Variants in CNTN5 observed in about 807,000 individuals in gnomAD.
The protein encoded by CNTN5 is contactin 5.
Under a neutral mutation model 129.1 loss-of-function variants are expected in CNTN5, and 77 were observed. The ratio of observed to expected loss-of-function variants is 0.60; its 90% CI spans 0.50 to 0.72. The LOEUF is 0.72. CNTN5 is among the 30% of genes least tolerant of loss of function. The pLI is 0.00. For synonymous variants in CNTN5, 509 were observed against 465.6 expected, an observed-to-expected ratio of 1.09 and a Z score of -1.20; for missense variants, 1,478 against 1,328.8, an observed-to-expected ratio of 1.11 and a Z score of -1.75.
intron 6 of CNTN5, among the ~76,000 whole-genome samples, chr11:99,914,446 T>C (rs1482844472): frequency 6.6e-6 from 1 of 152,132 alleles, no homozygotes; most frequent in Non-Finnish European, 1.5e-5. Flanking sequence ...CAGACAATCA[T>C]GTGTATGTTG....
At chr11:99,317,801 C>T (rs1865403560) in intron 1 of CNTN5, among the ~76,000 whole-genome samples, 1 of 151,734 alleles carries the variant, frequency 6.6e-6, no homozygotes, top group African/African-American at 2.4e-5. Flanking sequence ...TTTAAGAGCC[C>T]TTCTACAATA....
chr11:100,040,423 C>T (rs1942305827), intron 9 of CNTN5, among the ~76,000 whole-genome samples: 1 of 152,206 alleles, frequency 6.6e-6, no homozygotes, highest in Admixed American at 6.5e-5. Flanking sequence ...GTCATGGACC[C>T]ACTTGAGGAG....
chr11:100,056,712 A>C (rs1327690905), intron 9 of CNTN5, among the ~76,000 whole-genome samples: 1 of 151,648 alleles, frequency 6.6e-6, no homozygotes, highest in Non-Finnish European at 1.5e-5. Context: ...TGAAGATGAA[A>C]ATAAAGAGGA....
At chr11:99,812,481 T>C (rs1946458840) in intron 3 of CNTN5, among the ~76,000 whole-genome samples, 1 of 152,130 alleles carries the variant, frequency 6.6e-6, no homozygotes, top group Non-Finnish European at 1.5e-5. Context: ...AGAAAATGTA[T>C]TGAGTTCTTA....
intron 2 of CNTN5, among the ~76,000 whole-genome samples, chr11:99,411,363 T>A (rs1306520965): frequency 6.6e-6 from 1 of 151,750 alleles, no homozygotes; most frequent in Non-Finnish European, 1.5e-5. Flanking sequence ...CACAAAAAAA[T>A]ATGAAAATTA....
At chr11:99,591,191 G>A (rs189481864) in intron 3 of CNTN5, among the ~76,000 whole-genome samples, 9 of 152,110 alleles carry the variant, frequency 5.9e-5, no homozygotes, top group Admixed American at 1.3e-4. Context: ...ATGGTTCTCT[G>A]GAGGGAGGTT....
intron 3 of CNTN5, among the ~76,000 whole-genome samples, chr11:99,586,464 A>C (rs1949796821): frequency 6.6e-6 from 1 of 152,224 alleles, no homozygotes; most frequent in Admixed American, 6.5e-5. Flanking sequence ...AATCTGTTTT[A>C]ACCATGGTAC....
intron 1 of CNTN5, among the ~76,000 whole-genome samples, chr11:99,063,640 A>T (rs1428483339): frequency 6.6e-6 from 1 of 152,150 alleles, no homozygotes; most frequent in Non-Finnish European, 1.5e-5. Context: ...TATATGTTCA[A>T]CTACAAAAGC....
At chr11:99,300,514 T>G (rs994453782) in intron 1 of CNTN5, among the ~76,000 whole-genome samples, 3 of 152,130 alleles carry the variant, frequency 2.0e-5, no homozygotes, top group African/African-American at 7.2e-5. Flanking sequence ...TGAATTTAGT[T>G]TGCTTGTATT....
intron 21 of CNTN5, among the ~76,000 whole-genome samples, chr11:100,329,078 G>A (rs1054477429): frequency 6.6e-6 from 1 of 152,192 alleles, no homozygotes; most frequent in African/African-American, 2.4e-5. Flanking sequence ...AGTGCTATTG[G>A]AGGGGGGCGT....
intron 1 of CNTN5, among the ~76,000 whole-genome samples, chr11:99,073,486 C>G (rs1324711337): frequency 6.7e-6 from 1 of 150,186 alleles, no homozygotes; most frequent in East Asian, 2.0e-4. Context: ...ACCTATCAAC[C>G]CATCATCTAG....
At chr11:99,537,793 C>T (rs1237844395) in intron 2 of CNTN5, among the ~76,000 whole-genome samples, 1 of 152,130 alleles carries the variant, frequency 6.6e-6, no homozygotes, top group Admixed American at 6.5e-5. Flanking sequence ...ACCCCGTGGA[C>T]ACGATGCTGC....
chr11:100,277,802 G>A (rs907175744), intron 18 of CNTN5, among the ~76,000 whole-genome samples: 1 of 151,934 alleles, frequency 6.6e-6, no homozygotes, highest in Non-Finnish European at 1.5e-5. Context: ...CCTTTGCTGT[G>A]TAGAAGCTTT....
chr11:99,630,254 A>G (rs949250324), intron 3 of CNTN5, among the ~76,000 whole-genome samples: 1 of 3,122 alleles, frequency 3.2e-4, no homozygotes, highest in East Asian at 8.2e-3. Context: ...ATACATATAT[A>G]TATATATATA....
At chr11:99,951,825 A>T (rs1483824564) in intron 7 of CNTN5, among the ~76,000 whole-genome samples, 1 of 152,174 alleles carries the variant, frequency 6.6e-6, no homozygotes, top group East Asian at 1.9e-4. Context: ...GCCAATTTTG[A>T]TCTTAGAAAA....
chr11:99,273,726 TG>T (rs2135864665), intron 1 of CNTN5, among the ~76,000 whole-genome samples: 1 of 151,912 alleles, frequency 6.6e-6, no homozygotes, highest in South Asian at 2.1e-4. Context: ...TTTATGGACA[TG>T]ATTGAATTTA....
chr11:100,211,668 A>G (rs1015087489), intron 15 of CNTN5, among the ~76,000 whole-genome samples: 1 of 152,196 alleles, frequency 6.6e-6, no homozygotes, highest in Non-Finnish European at 1.5e-5. Context: ...TGATTAGTTT[A>G]TAATCTTTAG....
At chr11:99,047,270 A>G (rs1349513984) in intron 1 of CNTN5, among the ~76,000 whole-genome samples, 1 of 151,738 alleles carries the variant, frequency 6.6e-6, no homozygotes, top group East Asian at 1.9e-4. Context: ...ATAGCCTTTT[A>G]TATTCTAGTC....
At chr11:99,541,318 T>C (rs932303665) in intron 2 of CNTN5, among the ~76,000 whole-genome samples, 1 of 152,218 alleles carries the variant, frequency 6.6e-6, no homozygotes, top group African/African-American at 2.4e-5. Context: ...ACACATGATC[T>C]CCTTGAAATA....
Sources: allele counts gnomAD v4.1 joint callset (sites outside exome capture counted in the v4.1 genomes callset), GRCh38; gene constraint gnomAD v4.1.1; transcripts MANE v1.5; gene names NCBI Gene and HGNC (gene_info 2026-07-23, HGNC 2026-07-21).